Variants in PCDHGA10 observed in about 807,000 individuals in gnomAD.
PCDHGA10 encodes protocadherin gamma-A10.
In PCDHGA10, 42 loss-of-function variants were observed where a neutral mutation model predicts 59.5. That is an observed-to-expected ratio of 0.71 (90% CI 0.55 to 0.91). The LOEUF is 0.91. PCDHGA10 is among the 40% of genes least tolerant of loss of function. PCDHGA10 has a pLI of 0.00. For synonymous variants in PCDHGA10, 511 were observed against 517.2 expected (o/e 0.99, Z 0.16); for missense variants, 1,111 against 1,198.2 (o/e 0.93, Z 1.07).
Position 141,485,875 on chromosome 5 carries a change from C to T in PCDHGA10, c.2437-8932C>T, listed in dbSNP as rs1254918181. The T allele has an allele frequency of 1.9e-6, 3 of 1,614,150 alleles. No homozygotes were observed. The highest frequency in any genetic ancestry group is 2.2e-5 in the East Asian group (1 of 44,862). On this transcript the variant is annotated intron_variant, in intron 1 of 3. Transcript: ENST00000398610. This position sits in a 1 kb window ranked among gnomAD's most constrained non-coding sequence, Gnocchi z 5.7. ...CAGAGCTCCGGGTATCCGTGCTGGACGTAAACGACAACGCCCCAGCCTTCC... is the reference window on the plus strand; with the variant it reads ...CAGAGCTCCGGGTATCCGTGCTGGATGTAAACGACAACGCCCCAGCCTTCC...
chr5:141,474,407 G>A (rs1431210575), intron 1 of PCDHGA10, among the ~76,000 whole-genome samples: 2 of 152,230 alleles, frequency 1.3e-5, no homozygotes, highest in East Asian at 1.9e-4. Flanking sequence ...GCTCCCCGGT[G>A]ATGCCTAGAC....
At chr5:141,474,658 A>G (rs950490550) in intron 1 of PCDHGA10, among the ~76,000 whole-genome samples, 13 of 152,176 alleles carry the variant, frequency 8.5e-5, no homozygotes, top group African/African-American at 3.1e-4. Flanking sequence ...CTTCTTTTCT[A>G]CCTACCTAAC....
At position 141,413,563 on chromosome 5, in the gene PCDHGA10, A is replaced by G; in HGVS notation, c.388A>G (p.Ile130Val). 6.2e-7 allele frequency: 1 copy of G among 1,613,918 alleles called. No individual in the cohort carries two copies. Among genetic ancestry groups the G allele is most frequent in the Non-Finnish European group, 8.5e-7 (1 of 1,179,902 alleles). Residue 130 changes from isoleucine to valine, a missense_variant, in exon 1 of 4, where the codon ATC becomes GTC. Transcript: ENST00000398610. Reference protein sequence around the residue: ...LFGIEIEVTDINDNAPKFQAE... With the variant: ...LFGIEIEVTDVNDNAPKFQAE... ...TGGGATAGAAATAGAAGTAACTGAT[A>G]TCAATGACAATGCTCCAAAATTCCA...
In PCDHGA10 at chr5:141,431,937, A is replaced by T; in HGVS notation, c.2436+16326A>T. On this transcript the variant is annotated intron_variant, in intron 1 of 3. Coordinates refer to ENST00000398610, the MANE Select transcript of PCDHGA10 (RefSeq NM_018913.3). The surrounding 1 kb of genome is among the most constrained non-coding windows in gnomAD (Gnocchi z 4.8). ...TTCATCCAAGGAAATCTGCCCTTTAAATTAGAAAAATCTTACGGAAATTAC... is the reference window on the plus strand; with the variant it reads ...TTCATCCAAGGAAATCTGCCCTTTATATTAGAAAAATCTTACGGAAATTAC... The T allele has an allele frequency of 6.2e-7, 1 of 1,614,144 alleles. No individual in the cohort carries two copies. The highest frequency in any genetic ancestry group is 8.5e-7 in the Non-Finnish European group (1 of 1,180,014).
At position 141,413,984 on chromosome 5, in the gene PCDHGA10, C is replaced by T. The variant is rs898207454; in HGVS notation, c.809C>T (p.Ala270Val). ...GGCACTCAGCTGCTGACAGTCACAG[C>T]CACCGACAGGGACGAAGGTGCCAAT... ...PVGTQLLTVT[A>V]TDRDEGANGE... is the part of the protein sequence containing the mutation. The change falls in exon 1 of 4, where the codon GCC becomes GTC. Residue 270 changes from alanine (A) to valine (V), a missense_variant. Physicochemically the swap from Ala to Val is moderately conservative, Grantham distance 64. Transcript: ENST00000398610. 1.2e-6 allele frequency: 2 copies of T among 1,613,300 alleles called. No individual in the cohort carries two copies. Among genetic ancestry groups the T allele is most frequent in the African/African-American group, 2.7e-5 (2 of 74,854 alleles).
chr5:141,490,205 C>A lies in PCDHGA10; in HGVS notation c.2437-4602C>A. 1 of 1,614,168 alleles carries A rather than the reference C, an allele frequency of 6.2e-7. No individual in the cohort carries two copies. The highest frequency in any genetic ancestry group is 8.5e-7 in the Non-Finnish European group (1 of 1,180,004). ...CGTTTCTATGAAATTCATGCAAGAG[C>A]CCGTGACCAGGGACAGCCTGCCATG... On this transcript the variant is annotated intron_variant, in intron 1 of 3. Transcript: ENST00000398610. This position sits in a 1 kb window ranked among gnomAD's most constrained non-coding sequence, Gnocchi z 5.4.
chr5:141,511,265 A>C lies in PCDHGA10; in HGVS notation c.*92A>C. The C allele has an allele frequency of 6.4e-7, 1 of 1,551,730 alleles. No individual in the cohort carries two copies. Among genetic ancestry groups the C allele is most frequent in the Non-Finnish European group, 8.7e-7 (1 of 1,148,178 alleles). ...ACCCAGGCCTCAGAGTTTCAGGGCT[A>C]ACCCCCAGAATACTGGTAGGGGCCA... On this transcript the variant is annotated 3_prime_UTR_variant, in exon 4 of 4. Coordinates refer to ENST00000398610, the MANE Select transcript of PCDHGA10 (RefSeq NM_018913.3).
chr5:141,489,348 G>T lies in PCDHGA10; in HGVS notation c.2437-5459G>T. On this transcript the variant is annotated intron_variant, in intron 1 of 3. Coordinates refer to ENST00000398610, the MANE Select transcript of PCDHGA10 (RefSeq NM_018913.3). The surrounding 1 kb of genome is among the most constrained non-coding windows in gnomAD (Gnocchi z 4.5). ...CTGGGCAGCTTCGTTACTCAGTGGT[G>T]GAGGAGTCTGAGCCGGGGACGCTGG... is the stretch of plus-strand genomic sequence containing the variant. 1 of 1,611,876 alleles carries T rather than the reference G, an allele frequency of 6.2e-7. No homozygotes were observed. The highest frequency in any genetic ancestry group is 8.5e-7 in the Non-Finnish European group (1 of 1,178,502).
chr5:141,421,031 T>A, intron 1 of PCDHGA10: 1 of 529,760 alleles, frequency 1.9e-6, no homozygotes, highest in Non-Finnish European at 3.3e-6. Context: ...CGCCATTGAG[T>A]CCCTCCCTCC....
At chr5:141,457,864 C>T (rs962336979) in intron 1 of PCDHGA10, among the ~76,000 whole-genome samples, 5 of 152,166 alleles carry the variant, frequency 3.3e-5, no homozygotes, top group African/African-American at 4.8e-5. Flanking sequence ...CTTCACTGAC[C>T]ACAGGTTAGG....
chr5:141,417,884 C>A, intron 1 of PCDHGA10: 2 of 1,561,600 alleles, frequency 1.3e-6, no homozygotes, highest in East Asian at 2.4e-5. Flanking sequence ...CGCGCAGAGG[C>A]GCCGGGCCGG....
chr5:141,477,258 C>A lies in PCDHGA10; in HGVS notation c.2437-17549C>A. ...TTGCTCAGTGTGACTGACCTGGATG[C>A]TGGCGAGAACGGGCTGGTGACCTGC... On this transcript the variant is annotated intron_variant, in intron 1 of 3. Coordinates refer to ENST00000398610, the MANE Select transcript of PCDHGA10 (RefSeq NM_018913.3). The surrounding 1 kb of genome is among the most constrained non-coding windows in gnomAD (Gnocchi z 4.9). 6.2e-7 allele frequency: 1 copy of A among 1,614,208 alleles called. No homozygotes were observed. Among genetic ancestry groups the A allele is most frequent in the Non-Finnish European group, 8.5e-7 (1 of 1,180,042 alleles).
chr5:141,433,634 G>T (rs2097636752), intron 1 of PCDHGA10, among the ~76,000 whole-genome samples: 1 of 152,078 alleles, frequency 6.6e-6, no homozygotes, highest in Admixed American at 6.5e-5. Flanking sequence ...TTGGGAGTTT[G>T]AGACCAGCCT....
At chr5:141,501,691 G>C (rs910322085) in intron 2 of PCDHGA10, among the ~76,000 whole-genome samples, 1 of 152,092 alleles carries the variant, frequency 6.6e-6, no homozygotes, top group Non-Finnish European at 1.5e-5. Context: ...CTTATCTGCA[G>C]GGTGATTCCG....
At position 141,490,162 on chromosome 5, in the gene PCDHGA10, A is replaced by G. The variant is rs1371128858; in HGVS notation, c.2437-4645A>G. The G allele has an allele frequency of 1.2e-6, 2 of 1,614,218 alleles. No individual in the cohort carries two copies. The highest frequency in any genetic ancestry group is 1.7e-6 in the Non-Finnish European group (2 of 1,180,028). ...TGGGGCAATCCATGTGTTGGGTCCCATAGACTTTGAGGAGTCACGTTTCTA... is the reference window on the plus strand; with the variant it reads ...TGGGGCAATCCATGTGTTGGGTCCCGTAGACTTTGAGGAGTCACGTTTCTA... On this transcript the variant is annotated intron_variant, in intron 1 of 3. Transcript: ENST00000398610. This position sits in a 1 kb window ranked among gnomAD's most constrained non-coding sequence, Gnocchi z 5.4.
intron 1 of PCDHGA10, among the ~76,000 whole-genome samples, chr5:141,434,860 A>G (rs2097723622): frequency 6.6e-6 from 1 of 151,982 alleles, no homozygotes; most frequent in African/African-American, 2.4e-5. Flanking sequence ...ATAAATTTAT[A>G]TATATGTGAC....
At chr5:141,446,837 T>G (rs2098518039) in intron 1 of PCDHGA10, among the ~76,000 whole-genome samples, 1 of 152,168 alleles carries the variant, frequency 6.6e-6, no homozygotes, top group South Asian at 2.1e-4. Flanking sequence ...CTTATAAGGC[T>G]GAGCATAATA....
Position 141,476,301 on chromosome 5 carries a change from C to T in PCDHGA10, c.2437-18506C>T. On this transcript the variant is annotated intron_variant, in intron 1 of 3. Transcript: ENST00000398610. The surrounding 1 kb of genome is among the most constrained non-coding windows in gnomAD (Gnocchi z 7.6). ...CTTGGTTTGGATCTCGGTAGCCTCT[C>T]AGCCCGCAGGTTCCGGGTGGTGTCT... is the stretch of plus-strand genomic sequence containing the variant. The T allele has an allele frequency of 1.9e-6, 3 of 1,613,778 alleles. No homozygotes were observed. The highest frequency in any genetic ancestry group is 2.5e-6 in the Non-Finnish European group (3 of 1,179,908).
intron 2 of PCDHGA10, among the ~76,000 whole-genome samples, chr5:141,498,976 GGAAGGAAGGAAGGAA>G (rs1562186940): frequency 1.5e-4 from 2 of 13,010 alleles, no homozygotes; most frequent in Admixed American, 2.9e-3. Context: ...AGGGAGGGAA[GGAAGGAAGGAAGGAA>G]GGAAGGAAGG....
Sources: allele counts gnomAD v4.1 joint callset (sites outside exome capture counted in the v4.1 genomes callset), GRCh38; gene constraint gnomAD v4.1.1; non-coding constraint Gnocchi (gnomAD v3.1); transcripts MANE v1.5; gene names NCBI Gene and HGNC (gene_info 2026-07-23, HGNC 2026-07-21).